The following ABL2 variants were observed in gnomAD, a reference collection of about 807,000 sequenced individuals.
ABL2 encodes ABL proto-oncogene 2, non-receptor tyrosine kinase, also known as tyrosine-protein kinase ABL2.
ABL2 carries 49 observed loss-of-function variants against 107.7 expected under a neutral mutation model. The observed-to-expected ratio is 0.45, with a 90% CI of 0.36 to 0.58. The LOEUF (loss-of-function observed/expected upper bound fraction) is 0.58. Among genes scored for constraint, ABL2 ranks in the 20% least tolerant of loss-of-function variants. The probability of loss-of-function intolerance (pLI) is 0.00; values close to 1 mark genes in which losing one functional copy is unlikely to be tolerated. For missense variants in ABL2, 1,245 were observed against 1,457.0 expected (o/e 0.85, Z 2.37); for synonymous variants, 549 against 548.6 (o/e 1.00, Z -0.01).
chr1:179,135,129 T>C (rs1557941634), intron 1 of ABL2, among the ~76,000 whole-genome samples: 1 of 152,214 alleles, frequency 6.6e-6, no homozygotes, highest in Non-Finnish European at 1.5e-5. Context: ...GTGCCGAGAT[T>C]GCAGCCTCTG....
intron 3 of ABL2, among the ~76,000 whole-genome samples, chr1:179,130,418 T>C (rs1188429664): frequency 1.3e-5 from 2 of 152,240 alleles, no homozygotes; most frequent in African/African-American, 4.8e-5. Flanking sequence ...ACACTATTTA[T>C]TACTTAGTTC....
intron 1 of ABL2, among the ~76,000 whole-genome samples, chr1:179,158,952 A>C (rs1658877249): frequency 1.3e-5 from 2 of 152,298 alleles, no homozygotes; most frequent in African/African-American, 4.8e-5. Flanking sequence ...AACACATGTG[A>C]AGTGTGAGGC....
chr1:179,137,464 A>G (rs552945547), intron 1 of ABL2, among the ~76,000 whole-genome samples: 12 of 152,150 alleles, frequency 7.9e-5, no homozygotes, highest in Non-Finnish European at 1.5e-4. Context: ...CACTGGTAAC[A>G]CATTACAATG....
chr1:179,191,896 A>G (rs987240315), intron 1 of ABL2, among the ~76,000 whole-genome samples: 1 of 152,230 alleles, frequency 6.6e-6, no homozygotes, highest in African/African-American at 2.4e-5. Context: ...AAAATCTGAC[A>G]ATCAATTGGA....
At chr1:179,144,921 T>C (rs74131930) in intron 1 of ABL2, among the ~76,000 whole-genome samples, 3 of 152,354 alleles carry the variant, frequency 2.0e-5, no homozygotes, top group East Asian at 3.9e-4. Context: ...CTATACCATA[T>C]GGTTTACTAT....
chr1:179,185,054 C>A (rs564191302), intron 1 of ABL2, among the ~76,000 whole-genome samples: 29 of 152,220 alleles, frequency 1.9e-4, no homozygotes, highest in Non-Finnish European at 4.3e-4. Flanking sequence ...ATTCTAGCTT[C>A]TTTTCTCCTT....
intron 1 of ABL2, among the ~76,000 whole-genome samples, chr1:179,201,221 T>C (rs1172171148): frequency 2.0e-5 from 3 of 152,350 alleles, no homozygotes; most frequent in Admixed American, 6.5e-5. Context: ...ACTGAGATGT[T>C]CTCTTTGGAA....
At chr1:179,132,544 A>G (rs1048800214) in intron 2 of ABL2, among the ~76,000 whole-genome samples, 2 of 151,588 alleles carry the variant, frequency 1.3e-5, no homozygotes, top group Non-Finnish European at 2.9e-5. Context: ...TATTATTATC[A>G]TTATTATTTT....
chr1:179,118,756 T>G lies in ABL2; in HGVS notation c.1054A>C (p.Thr352Pro). Residue 352 changes from threonine to proline, a missense_variant, in exon 7 of 12, where the codon ACT (threonine) becomes CCT (proline). Thr to Pro is a conservative substitution (Grantham distance 38, BLOSUM62 -1). This residue lies in a region of ABL2 where 320 missense variants were observed against 547.0 expected (regional missense o/e 0.59). Transcript: ENST00000502732. ...ACAATGTAAAATGGTGGCTCCAAAG[T>G]ACACACACCTAAAAGTTGAACAATA... ...PNLVQLLGVCTLEPPFYIVTE... is the reference protein window; with the variant it reads ...PNLVQLLGVCPLEPPFYIVTE... 1 of 1,613,970 alleles carries G rather than the reference T, an allele frequency of 6.2e-7. No homozygotes were observed. The highest frequency in any genetic ancestry group is 8.5e-7 in the Non-Finnish European group (1 of 1,179,966).
intron 1 of ABL2, among the ~76,000 whole-genome samples, chr1:179,227,752 T>C (rs904780620): frequency 6.6e-6 from 1 of 152,100 alleles, no homozygotes; most frequent in Admixed American, 6.6e-5. Context: ...CTCAAGCACA[T>C]CTTCAATAGG....
chr1:179,210,969 T>C (rs941051970), intron 1 of ABL2, among the ~76,000 whole-genome samples: 31 of 152,102 alleles, frequency 2.0e-4, no homozygotes, highest in African/African-American at 5.6e-4. Context: ...ATACTCAAGC[T>C]TGCAAGCTTG....
At chr1:179,138,270 AATT>A (rs1557946292) in intron 1 of ABL2, among the ~76,000 whole-genome samples, 2 of 152,046 alleles carry the variant, frequency 1.3e-5, no homozygotes, top group African/African-American at 4.8e-5. Context: ...GATATTGTTT[AATT>A]ATTATTATTG....
intron 1 of ABL2, among the ~76,000 whole-genome samples, chr1:179,174,911 AAAT>A (rs886238546): frequency 0.083 from 8,902 of 106,968 alleles, 461 homozygotes; most frequent in African/African-American, 0.11. Flanking sequence ...AAAAAAAATA[AAAT>A]AAAAAAAATA....
chr1:179,214,519 C>CATATAGATATAT (rs1446121890), intron 1 of ABL2, among the ~76,000 whole-genome samples: 1 of 122,134 alleles, frequency 8.2e-6, no homozygotes, highest in Non-Finnish European at 1.7e-5. Context: ...TTTAAAATGA[C>CATATAGATATAT]ATATATATAT....
chr1:179,126,271 T>C lies in ABL2; in HGVS notation c.687+106A>G, dbSNP rs1655713126. 1 of 1,316,242 alleles carries C rather than the reference T, an allele frequency of 7.6e-7. No homozygotes were observed. Among genetic ancestry groups the C allele is most frequent in the East Asian group, 2.4e-5 (1 of 41,338 alleles). 81.5% of individuals were successfully genotyped at this position (1,316,242 alleles called of 1,614,324 possible). On this transcript the variant is annotated intron_variant, in intron 4 of 11. Transcript: ENST00000502732. The surrounding 1 kb of genome is among the most constrained non-coding windows in gnomAD (Gnocchi z 4.4). ...CAAACTCACAAAGCTAGTGAATATT[T>C]TATTTCACGTCAGACATAAAATCTA...
chr1:179,221,756 T>C (rs75511895), intron 1 of ABL2: 4,818 of 236,256 alleles, frequency 0.02, 152 homozygotes, highest in Admixed American at 0.069. Context: ...TCACAGGTTA[T>C]CCCCTAATTG....
intron 6 of ABL2, among the ~76,000 whole-genome samples, chr1:179,119,533 A>AC (rs1428491134): frequency 8.5e-6 from 1 of 116,980 alleles, no homozygotes; most frequent in African/African-American, 3.3e-5. Flanking sequence ...AAAAAAAAAC[A>AC]CCCCCCACAC....
chr1:179,222,642 G>A (rs1202620977), intron 1 of ABL2, among the ~76,000 whole-genome samples: 1 of 151,884 alleles, frequency 6.6e-6, no homozygotes, highest in Non-Finnish European at 1.5e-5. Flanking sequence ...ACCCACCTCG[G>A]CCTCCCAAAG....
intron 1 of ABL2, among the ~76,000 whole-genome samples, chr1:179,154,319 T>C (rs1658549947): frequency 1.3e-5 from 2 of 152,248 alleles, no homozygotes; most frequent in Admixed American, 1.3e-4. Context: ...TCGGTCTTTA[T>C]GAAATACATG....
Sources: gnomAD v4.1 joint callset for allele counts (sites outside exome capture counted in the v4.1 genomes callset) on GRCh38, gnomAD v4.1.1 for gene constraint, gnomAD v4.1.1 regional missense constraint, Gnocchi (gnomAD v3.1) non-coding constraint, MANE v1.5 for transcripts, NCBI Gene and HGNC (gene_info 2026-07-23, HGNC 2026-07-21) for gene names.